The following BFAR variants were observed in gnomAD, a reference collection of about 807,000 sequenced individuals.
BFAR encodes the protein bifunctional apoptosis regulator, also known as RING finger protein 47.
In BFAR, 52 loss-of-function variants were observed where a neutral mutation model predicts 54.4. That is an observed-to-expected ratio of 0.96 (90% confidence interval 0.77 to 1.21). The LOEUF (loss-of-function observed/expected upper bound fraction) is 1.21. Among genes scored for constraint, BFAR ranks in the 50% most tolerant of loss-of-function variants. BFAR has a pLI of 0.00. For missense variants in BFAR, 571 were observed against 534.0 expected, an observed-to-expected ratio of 1.07 and a Z score of -0.68; for synonymous variants, 215 against 204.3, an observed-to-expected ratio of 1.05 and a Z score of -0.45.
intron 4 of BFAR, 149 bp downstream of exon 4, chr16:14,650,122 G>C: frequency 1.5e-6 from 1 of 683,632 alleles, no homozygotes; most frequent in Non-Finnish European, 2.2e-6. Context: ...AGGAGTTCCA[G>C]ACCAGCCTGA....
intron 5 of BFAR, among the ~76,000 whole-genome samples, chr16:14,658,351 T>A (rs1280807356): frequency 1.3e-5 from 2 of 152,150 alleles, no homozygotes; most frequent in African/African-American, 4.8e-5. Flanking sequence ...TGGCTGGTGC[T>A]ATCTTGTCTG....
At chr16:14,647,048 AT>A (rs1342992228) in intron 2 of BFAR, among the ~76,000 whole-genome samples, 1 of 151,982 alleles carries the variant, frequency 6.6e-6, no homozygotes, top group Non-Finnish European at 1.5e-5. Flanking sequence ...CAGTGCTGAG[AT>A]TACAGGCGTG....
intron 7 of BFAR, among the ~76,000 whole-genome samples, chr16:14,665,333 A>G (rs1429382158): frequency 1.3e-5 from 2 of 148,368 alleles, no homozygotes; most frequent in Admixed American, 6.8e-5. Context: ...TTTCAGGGGG[A>G]GGGGGGCAAA....
rs532321084 is a variant in BFAR, at chr16:14,650,755, G to A, written c.638+782G>A. Among the ~76,000 whole-genome samples the A allele has an allele frequency of 1.2e-3, 183 of 152,136 alleles. 1 individual carries two copies. The South Asian group carries it at 0.014, about 12-fold the overall frequency. On this transcript the variant is annotated intron_variant, in intron 4 of 7. Transcript: ENST00000261658. ...TCCATTCATTGGTTGATGGACATTTGGGCTGATTCCATTTTTTGGCTATTA... is the reference window on the plus strand; with the variant it reads ...TCCATTCATTGGTTGATGGACATTTAGGCTGATTCCATTTTTTGGCTATTA...
chr16:14,644,668 CTT>C (rs376559546), intron 2 of BFAR, 59 bp downstream of exon 2: 51,732 of 1,255,876 alleles, frequency 0.041, no homozygotes, highest in South Asian at 0.043. Flanking sequence ...TTCTCTCTTG[CTT>C]TTTTTTTTTT....
intron 5 of BFAR, among the ~76,000 whole-genome samples, chr16:14,661,427 A>T (rs1960284943): frequency 1.1e-5 from 1 of 91,878 alleles, no homozygotes; most frequent in Non-Finnish European, 2.0e-5. Context: ...TTTGAGCTGG[A>T]ATCTCACTGT....
chr16:14,634,318 C>G (rs1268219152), intron 1 of BFAR, among the ~76,000 whole-genome samples: 1 of 152,224 alleles, frequency 6.6e-6, no homozygotes, highest in African/African-American at 2.4e-5. Flanking sequence ...TGTATCCTGA[C>G]AGGTGTGCTC....
At chr16:14,645,425 T>C (rs1035432395) in intron 2 of BFAR, among the ~76,000 whole-genome samples, 1 of 152,228 alleles carries the variant, frequency 6.6e-6, no homozygotes, top group East Asian at 1.9e-4. Flanking sequence ...AGTTATCACA[T>C]TAATAGAGTT....
At position 14,664,872 on chromosome 16, in the gene BFAR, C is replaced by A; in HGVS notation, c.961C>A (p.Leu321Ile). 6.2e-7 allele frequency: 1 copy of A among 1,612,926 alleles called. No individual in the cohort carries two copies. The highest frequency in any genetic ancestry group is 8.5e-7 in the Non-Finnish European group (1 of 1,178,998). Reference sequence around the variant, plus strand: ...CGTCTGTGTGTTATTTTTTAAGGATCTTAAGGAGCCTACGTGGAAGCAGTG... The same window carrying A: ...CGTCTGTGTGTTATTTTTTAAGGATATTAAGGAGCCTACGTGGAAGCAGTG... Reference protein sequence around the residue: ...GEDIVTKLLDLKEPTWKQWRE... With the variant: ...GEDIVTKLLDIKEPTWKQWRE... The change falls in exon 7 of 8, where the codon CTT (leucine) becomes ATT (isoleucine). Residue 321 changes from leucine (L) to isoleucine (I), a missense_variant. Physicochemically the swap from Leu to Ile is conservative, Grantham distance 5. Coordinates refer to ENST00000261658, the MANE Select transcript of BFAR (RefSeq NM_016561.3).
At chr16:14,655,371 G>T (rs954397764) in intron 5 of BFAR, among the ~76,000 whole-genome samples, 161 bp downstream of exon 5, 2 of 150,960 alleles carry the variant, frequency 1.3e-5, no homozygotes, top group East Asian at 1.9e-4. Context: ...GCCCAGGCTG[G>T]AGTGCAATGG....
intron 5 of BFAR, 129 bp downstream of exon 5, chr16:14,655,339 T>G (rs1286087260): frequency 1.1e-5 from 9 of 850,862 alleles, no homozygotes; most frequent in African/African-American, 1.8e-5. Flanking sequence ...TATTTTATTT[T>G]GAGACAGAGT....
chr16:14,661,734 A>C (rs774592007), intron 5 of BFAR, among the ~76,000 whole-genome samples, 158 bp from the exon 6 acceptor site: 34 of 152,100 alleles, frequency 2.2e-4, no homozygotes, highest in African/African-American at 8.2e-4. Context: ...TGTAACCCCA[A>C]ATGTGGATCA....
chr16:14,637,832 A>G (rs540913565), intron 1 of BFAR, among the ~76,000 whole-genome samples: 76 of 148,812 alleles, frequency 5.1e-4, no homozygotes, highest in African/African-American at 1.8e-3. Flanking sequence ...CCATCTCAGA[A>G]AAAAAAAAAA....
chr16:14,649,070 C>CTTTTTTT (rs544187036), intron 3 of BFAR, among the ~76,000 whole-genome samples: 3 of 104,486 alleles, frequency 2.9e-5, no homozygotes, highest in Non-Finnish European at 5.7e-5. Flanking sequence ...ATCTCTTGCT[C>CTTTTTTT]TTTTTTTTTT....
intron 5 of BFAR, among the ~76,000 whole-genome samples, chr16:14,659,868 T>C (rs1183551582): frequency 6.6e-6 from 1 of 152,236 alleles, no homozygotes; most frequent in African/African-American, 2.4e-5. Flanking sequence ...TATACATTTC[T>C]AAAGAGAAAG....
At chr16:14,664,692 G>A (rs1220715080) in intron 6 of BFAR, among the ~76,000 whole-genome samples, 177 bp from the exon 7 acceptor site, 1 of 152,082 alleles carries the variant, frequency 6.6e-6, no homozygotes, top group Non-Finnish European at 1.5e-5. Context: ...TAGAGATGGG[G>A]TTTCACCATG....
In BFAR at chr16:14,668,835, TAA is replaced by T. The variant is rs528596737; in HGVS notation, c.*1023_*1024del. 3.6e-3 allele frequency: 572 copies of T among 157,596 alleles called. No individual in the cohort carries two copies. The highest frequency in any genetic ancestry group is 0.015 in the South Asian group (133 of 8,618). The allele number at this position is 157,596 out of a possible 1,614,324, so 9.8% of individuals were successfully genotyped here. A position where few individuals can be genotyped will look rare whatever the true frequency, so the allele number is the denominator to read the frequency against. On this transcript the variant is annotated 3_prime_UTR_variant, in exon 8 of 8. Transcript: ENST00000261658. ...TGGGTGACAGAGGGAGACTCTGTCTTAAAAAAAAAAAAAAAATCATCTGTAAA... is the reference window on the plus strand; with the variant it reads ...TGGGTGACAGAGGGAGACTCTGTCTTAAAAAAAAAAAAAATCATCTGTAAA...
chr16:14,665,576 A>G (rs1185491328), intron 7 of BFAR, among the ~76,000 whole-genome samples: 2 of 152,192 alleles, frequency 1.3e-5, no homozygotes, highest in African/African-American at 4.8e-5. Flanking sequence ...CAGGGCTTGT[A>G]TACATAGGGA....
rs79997682 is a variant in BFAR at position 14,655,224 on chromosome 16, T to C, written c.783+14T>C. ...TGGGAATATAAGGTGAACACTTTAATTTTTTTTTTTTTTTTTTACTTTTTA... is the reference window on the plus strand; with the variant it reads ...TGGGAATATAAGGTGAACACTTTAACTTTTTTTTTTTTTTTTTACTTTTTA... On this transcript the variant is annotated intron_variant, in intron 5 of 7. Transcript: ENST00000261658. 1.4e-5 allele frequency: 3 copies of C among 219,334 alleles called. No individual in the cohort carries two copies. The South Asian group carries it at 3.6e-4, about 26-fold the overall frequency. 13.6% of individuals were successfully genotyped at this position (219,334 alleles called of 1,614,324 possible).
Sources: allele counts gnomAD v4.1 joint callset (sites outside exome capture counted in the v4.1 genomes callset), GRCh38; gene constraint gnomAD v4.1.1; transcripts MANE v1.5; gene names NCBI Gene and HGNC (gene_info 2026-07-23, HGNC 2026-07-21).